BCKDHB: variants seen among roughly 807,000 people sequenced by gnomAD.
The protein encoded by BCKDHB is 2-oxoisovalerate dehydrogenase subunit beta, mitochondrial.
Under a neutral mutation model 48.5 loss-of-function variants are expected in BCKDHB, and 41 were observed. The ratio of observed to expected loss-of-function variants is 0.85; its 90% CI spans 0.66 to 1.10. BCKDHB has a LOEUF of 1.10. Among genes scored for constraint, BCKDHB ranks in the 50% least tolerant of loss-of-function variants. BCKDHB has a pLI of 0.00. For missense variants in BCKDHB, 496 were observed against 494.2 expected (o/e 1.00, Z -0.03); for synonymous variants, 201 against 174.8 (o/e 1.15, Z -1.18).
At chr6:80,168,779 AG>A (rs1373855969) in intron 4 of BCKDHB, 95 bp from the exon 5 acceptor site, 11 of 592,604 alleles carry the variant, frequency 1.9e-5, no homozygotes, top group Non-Finnish European at 2.7e-5. Context: ...TGCCTTGGGA[AG>A]GGAAGGAAGG....
chr6:80,376,747 G>A, the BCKDHB span, among the ~76,000 whole-genome samples: 2 of 152,280 alleles, frequency 1.3e-5, no homozygotes, highest in East Asian at 1.9e-4. Flanking sequence ...ATGAAGAGTT[G>A]GAGTGTGGGC....
At chr6:80,255,940 G>A (rs1777030955) in intron 8 of BCKDHB, among the ~76,000 whole-genome samples, 1 of 152,210 alleles carries the variant, frequency 6.6e-6, no homozygotes, top group South Asian at 2.1e-4. Context: ...CTGGTTCCTG[G>A]TGGCCTGACT....
intron 6 of BCKDHB, among the ~76,000 whole-genome samples, chr6:80,177,225 CAAAAAAAAAA>C (rs575991853): frequency 1.9e-3 from 82 of 43,140 alleles, no homozygotes; most frequent in African/African-American, 5.3e-3. Context: ...GACCTTGTCT[CAAAAAAAAAA>C]AAAAAAAAAA....
downstream of BCKDHB, among the ~76,000 whole-genome samples, chr6:80,348,975 G>T (rs1463613972): frequency 6.6e-6 from 1 of 152,152 alleles, no homozygotes; most frequent in East Asian, 1.9e-4. Context: ...TAACTGGAAG[G>T]ACTGGAACTG....
chr6:80,226,745 G>A (rs552143038), intron 8 of BCKDHB, among the ~76,000 whole-genome samples: 8 of 152,230 alleles, frequency 5.3e-5, no homozygotes, highest in Middle Eastern at 3.4e-3. Context: ...TGCAGCAGGC[G>A]CCTGCCTTCA....
At chr6:80,113,208 C>T (rs1264044400) in intron 1 of BCKDHB, among the ~76,000 whole-genome samples, 4 of 152,324 alleles carry the variant, frequency 2.6e-5, no homozygotes, top group Admixed American at 2.0e-4. Flanking sequence ...CTGCAACACA[C>T]GTAAGGATCA....
At chr6:80,338,308 C>CT (rs1769700438) in intron 9 of BCKDHB, among the ~76,000 whole-genome samples, 1 of 152,170 alleles carries the variant, frequency 6.6e-6, no homozygotes, top group African/African-American at 2.4e-5. Flanking sequence ...CTTTTTTACT[C>CT]TAACTTTTCG....
rs570249681 is a variant in BCKDHB at position 80,162,670 on chromosome 6, G to A, written c.344-5008G>A. 7.2e-5 allele frequency among the ~76,000 whole-genome samples: 11 copies of A among 152,128 alleles called. 1 individual carries two copies. Among genetic ancestry groups the A allele is most frequent in the African/African-American group, 2.6e-4 (11 of 41,518 alleles). ...GTTTGAGACAAGCCTGGCCAACATGGTGAAACCCCATCTCTACGAAAAATA... is the reference window on the plus strand; with the variant it reads ...GTTTGAGACAAGCCTGGCCAACATGATGAAACCCCATCTCTACGAAAAATA... On this transcript the variant is annotated intron_variant, in intron 3 of 9. Transcript: ENST00000320393.
In BCKDHB at chr6:80,235,100, G is replaced by T. The variant is rs1457770727; in HGVS notation, c.951+31888G>T. 2.8e-4 allele frequency among the ~76,000 whole-genome samples: 43 copies of T among 152,152 alleles called. 1 individual carries two copies. ...ATAAGTTCTAGTGTCCAGTAACACA[G>T]TAGGGTGACTCTAGTTAACAAGAAT... On this transcript the variant is annotated intron_variant, in intron 8 of 9. Transcript: ENST00000320393.
intron 1 of BCKDHB, among the ~76,000 whole-genome samples, chr6:80,118,770 G>A (rs1439451655): frequency 8.2e-6 from 1 of 121,304 alleles, no homozygotes; most frequent in Non-Finnish European, 1.8e-5. Flanking sequence ...TCATCTCAAG[G>A]ATCCACTTTT....
the BCKDHB span, among the ~76,000 whole-genome samples, chr6:80,394,130 T>A: frequency 6.6e-6 from 1 of 152,304 alleles, no homozygotes; most frequent in Non-Finnish European, 1.5e-5. Flanking sequence ...CTTTTTAGAA[T>A]ATTTATCTCT....
Position 80,345,300 on chromosome 6 carries a change from A to G in BCKDHB, c.*1496A>G, listed in dbSNP as rs1206042069. Reference sequence around the variant, plus strand: ...TAGTTTTTCCAAAAATGATAGTAATATCTTTTGAAGAACTATGCTTTTTCA... The same window carrying G: ...TAGTTTTTCCAAAAATGATAGTAATGTCTTTTGAAGAACTATGCTTTTTCA... On this transcript the variant is annotated 3_prime_UTR_variant, in exon 10 of 10. Coordinates refer to ENST00000320393, the MANE Select transcript of BCKDHB (RefSeq NM_183050.4). 6.6e-6 allele frequency: 1 copy of G among 152,204 alleles called. No homozygotes were observed. The highest frequency in any genetic ancestry group is 2.4e-5 in the African/African-American group (1 of 41,452). 9.4% of individuals were successfully genotyped at this position (152,204 alleles called of 1,614,324 possible).
chr6:80,141,140 C>A (rs190830979), intron 3 of BCKDHB, among the ~76,000 whole-genome samples: 22 of 152,020 alleles, frequency 1.4e-4, no homozygotes, highest in Non-Finnish European at 2.6e-4. Flanking sequence ...TCTGTGGGAT[C>A]GGTGGTGATA....
intron 9 of BCKDHB, among the ~76,000 whole-genome samples, chr6:80,317,795 T>C (rs1768525172): frequency 6.6e-6 from 1 of 152,194 alleles, no homozygotes; most frequent in Admixed American, 6.5e-5. Context: ...ATTTCTCTTC[T>C]ACCTCACCAC....
At chr6:80,421,699 G>T in the BCKDHB span, among the ~76,000 whole-genome samples, 1 of 152,144 alleles carries the variant, frequency 6.6e-6, no homozygotes, top group Non-Finnish European at 1.5e-5. Flanking sequence ...TTTTGCTCCT[G>T]CCCTAGAGAT....
At chr6:80,420,329 C>A in the BCKDHB span, among the ~76,000 whole-genome samples, 87 of 152,312 alleles carry the variant, frequency 5.7e-4, no homozygotes, top group African/African-American at 2.0e-3. Context: ...TCTACATATT[C>A]TGGTAGACAC....
intron 9 of BCKDHB, among the ~76,000 whole-genome samples, chr6:80,335,774 G>A (rs1340404237): frequency 6.6e-6 from 1 of 151,984 alleles, no homozygotes; most frequent in African/African-American, 2.4e-5. Context: ...AAATGGTGAG[G>A]AAACTTTGAT....
At chr6:80,400,653 A>G in the BCKDHB span, among the ~76,000 whole-genome samples, 1 of 152,110 alleles carries the variant, frequency 6.6e-6, no homozygotes, top group Non-Finnish European at 1.5e-5. Flanking sequence ...TGTGGAAAGC[A>G]GTTTGGCAAT....
intron 9 of BCKDHB, among the ~76,000 whole-genome samples, chr6:80,330,357 C>A (rs1769262787): frequency 6.6e-6 from 1 of 152,148 alleles, no homozygotes; most frequent in Admixed American, 6.6e-5. Context: ...TTGGCCTCAT[C>A]AGTAGCAAAG....
Sources: gnomAD v4.1 joint callset for allele counts (sites outside exome capture counted in the v4.1 genomes callset) on GRCh38, gnomAD v4.1.1 for gene constraint, MANE v1.5 for transcripts, NCBI Gene and HGNC (gene_info 2026-07-23, HGNC 2026-07-21) for gene names.